Variants in FNIP1 observed in about 807,000 individuals in gnomAD.
The protein encoded by FNIP1 is folliculin interacting protein 1.
Under a neutral mutation model 124.5 loss-of-function variants are expected in FNIP1, and 40 were observed. That is an observed-to-expected ratio of 0.32 (90% CI 0.25 to 0.42). FNIP1 has a LOEUF of 0.42. FNIP1 is among the 10% of genes least tolerant of loss of function. The pLI is 1.00. For missense variants in FNIP1, 1,176 were observed against 1,403.7 expected (o/e 0.84, Z 2.59); for synonymous variants, 472 against 470.6 (o/e 1.00, Z -0.04).
chr5:131,795,831 C>T (rs1054434265), intron 1 of FNIP1: 8 of 152,068 alleles, frequency 5.3e-5, no homozygotes, highest in African/African-American at 1.9e-4. Context: ...TTTGTTTCTA[C>T]TATTGTTGTA....
At chr5:131,767,295 G>A (rs540094787) in intron 1 of FNIP1, among the ~76,000 whole-genome samples, 1 of 151,862 alleles carries the variant, frequency 6.6e-6, no homozygotes, top group East Asian at 1.9e-4. Context: ...AGCTGGGCAT[G>A]GTGTGCACCT....
intron 15 of FNIP1, among the ~76,000 whole-genome samples, chr5:131,661,284 T>C (rs1010970991): frequency 2.0e-5 from 3 of 150,368 alleles, no homozygotes; most frequent in African/African-American, 4.9e-5. Context: ...TCTAAAGGAA[T>C]TGGTGATGGA....
chr5:131,735,807 ATGTGTG>A (rs141584109), intron 2 of FNIP1, among the ~76,000 whole-genome samples: 2 of 148,322 alleles, frequency 1.3e-5, no homozygotes, highest in African/African-American at 2.5e-5. Context: ...ACTTAAGGGA[ATGTGTG>A]TGTGTGTGTG....
chr5:131,796,772 T>A, intron 1 of FNIP1, 58 bp downstream of exon 1: 1 of 1,496,930 alleles, frequency 6.7e-7, no homozygotes, highest in African/African-American at 1.4e-5. Flanking sequence ...CCAACACCCC[T>A]GGAGCCCGGA....
At chr5:131,788,463 G>A (rs1049431649) in intron 1 of FNIP1, among the ~76,000 whole-genome samples, 2 of 152,110 alleles carry the variant, frequency 1.3e-5, no homozygotes, top group Non-Finnish European at 2.9e-5. Flanking sequence ...GAGGTCAGGC[G>A]TTTGAGATCA....
intron 1 of FNIP1, among the ~76,000 whole-genome samples, chr5:131,767,920 G>T (rs1771494516): frequency 6.6e-6 from 1 of 151,932 alleles, no homozygotes; most frequent in Non-Finnish European, 1.5e-5. Flanking sequence ...ACTAAATGTT[G>T]TAAGAACACT....
At chr5:131,773,051 C>G (rs554317225) in intron 1 of FNIP1, among the ~76,000 whole-genome samples, 2 of 152,274 alleles carry the variant, frequency 1.3e-5, no homozygotes, top group South Asian at 4.2e-4. Flanking sequence ...TCAAACCTGT[C>G]ATACCCTTCC....
At chr5:131,647,757 G>C (rs911150090) in intron 16 of FNIP1, among the ~76,000 whole-genome samples, 1 of 152,030 alleles carries the variant, frequency 6.6e-6, no homozygotes, top group South Asian at 2.1e-4. Context: ...TTACAAGTGT[G>C]AGCCACCATG....
intron 1 of FNIP1, among the ~76,000 whole-genome samples, chr5:131,771,931 C>T (rs2149578179): frequency 6.6e-6 from 1 of 152,282 alleles, no homozygotes. Context: ...ACCATTATCT[C>T]ATACCATGAG....
chr5:131,713,149 C>T (rs966093206), intron 6 of FNIP1, among the ~76,000 whole-genome samples: 5 of 152,004 alleles, frequency 3.3e-5, no homozygotes, highest in East Asian at 1.9e-4. Flanking sequence ...CCCGGGTTCA[C>T]GCTATTCTCC....
intron 1 of FNIP1, among the ~76,000 whole-genome samples, chr5:131,775,464 A>AACTG (rs57402965): frequency 2.6e-4 from 2 of 7,690 alleles, no homozygotes; most frequent in African/African-American, 7.0e-4. Flanking sequence ...AATATGTATC[A>AACTG]TCTAATAATT....
At chr5:131,682,759 A>C (rs1199293927) in intron 11 of FNIP1, among the ~76,000 whole-genome samples, 1 of 152,086 alleles carries the variant, frequency 6.6e-6, no homozygotes, top group Non-Finnish European at 1.5e-5. Flanking sequence ...TCTAGAAATC[A>C]TTTCTTTCTT....
At position 131,714,445 on chromosome 5, in the gene FNIP1, G is replaced by A. The variant is rs567745150; in HGVS notation, c.622+2120C>T. Among the ~76,000 whole-genome samples, 31 of 152,204 alleles carry A rather than the reference G, an allele frequency of 2.0e-4. No individual in the cohort carries two copies. In the South Asian group the frequency reaches 3.1e-3, roughly 15 times the overall value. On this transcript the variant is annotated intron_variant, in intron 6 of 17. Coordinates refer to ENST00000510461, the MANE Select transcript of FNIP1 (RefSeq NM_133372.3). ...GTTAAAAAAAACAGGTAAAGGACCC[G>A]AACCAACACACCTGCACTGGTGCCC...
chr5:131,717,623 A>G (rs1769513131), intron 5 of FNIP1, among the ~76,000 whole-genome samples: 1 of 152,202 alleles, frequency 6.6e-6, no homozygotes, highest in Non-Finnish European at 1.5e-5. Flanking sequence ...ATATATTACA[A>G]ATAACCTATA....
At chr5:131,659,570 C>T (rs987506052) in intron 15 of FNIP1, among the ~76,000 whole-genome samples, 5 of 152,172 alleles carry the variant, frequency 3.3e-5, no homozygotes, top group Admixed American at 1.3e-4. Context: ...AGTAAGGTCC[C>T]GGCCAGCCAC....
intron 9 of FNIP1, among the ~76,000 whole-genome samples, chr5:131,705,284 C>A (rs1769064483): frequency 6.7e-6 from 1 of 150,122 alleles, no homozygotes. Flanking sequence ...ACCTGGGCAA[C>A]ATGGCGAAAC....
At chr5:131,713,234 A>T (rs963930958) in intron 6 of FNIP1, among the ~76,000 whole-genome samples, 5 of 152,050 alleles carry the variant, frequency 3.3e-5, no homozygotes, top group African/African-American at 1.2e-4. Flanking sequence ...TTTACAAAAG[A>T]ATGGGGTTTC....
intron 1 of FNIP1, among the ~76,000 whole-genome samples, chr5:131,770,371 A>G (rs1771588130): frequency 6.6e-6 from 1 of 152,202 alleles, no homozygotes; most frequent in Admixed American, 6.5e-5. Flanking sequence ...AAATAGAGAC[A>G]TTTTAGAATG....
At chr5:131,670,282 G>C (rs949568498) in intron 15 of FNIP1, among the ~76,000 whole-genome samples, 181 bp downstream of exon 15, 2 of 152,138 alleles carry the variant, frequency 1.3e-5, no homozygotes, top group African/African-American at 4.8e-5. Context: ...ATAGATTTCT[G>C]GAACTTTATT....
Sources: gnomAD v4.1 joint callset for allele counts (sites outside exome capture counted in the v4.1 genomes callset) on GRCh38, gnomAD v4.1.1 for gene constraint, MANE v1.5 for transcripts, NCBI Gene and HGNC (gene_info 2026-07-23, HGNC 2026-07-21) for gene names.